Variants in CD2AP observed in about 807,000 individuals in gnomAD.
The protein encoded by CD2AP is CD2 associated protein.
Under a neutral mutation model 85.1 loss-of-function variants are expected in CD2AP, and 46 were observed. That is an observed-to-expected ratio of 0.54 (90% CI 0.43 to 0.69). The LOEUF (loss-of-function observed/expected upper bound fraction) is 0.69. CD2AP is among the 30% of genes least tolerant of loss of function. The probability of loss-of-function intolerance (pLI) is 0.00; values close to 1 mark genes in which losing one functional copy is unlikely to be tolerated. For synonymous variants in CD2AP, 255 were observed against 252.9 expected (o/e 1.01, Z -0.08); for missense variants, 769 against 729.5 (o/e 1.05, Z -0.62).
chr6:47,614,681 A>G lies in CD2AP; in HGVS notation c.1878+2145A>G, dbSNP rs74565686. Among the ~76,000 whole-genome samples the G allele has an allele frequency of 7.9e-3, 1,204 of 152,366 alleles. 14 individuals are homozygous for G. Among genetic ancestry groups the G allele is most frequent in the African/African-American group, 0.027 (1,124 of 41,592 alleles). On this transcript the variant is annotated intron_variant, in intron 17 of 17. Transcript: ENST00000359314. ...ATATTGTTGGAAAAATGGCATCAAT[A>G]GAGTTGCTCAGCACAGGATTACCAC...
In CD2AP at chr6:47,574,075, G is replaced by A. The variant is rs142643033; in HGVS notation, c.553G>A (p.Ala185Thr). ...AATTATTGTTTCAGAAACTGTTTTGGCTGGGCCTACTTCACCTATACCTTC... is the reference window on the plus strand; with the variant it reads ...AATTATTGTTTCAGAAACTGTTTTGACTGGGCCTACTTCACCTATACCTTC... Reference protein sequence around the residue: ...EAQDDSETVLAGPTSPIPSLG... With the variant: ...EAQDDSETVLTGPTSPIPSLG... Residue 185 changes from alanine (A) to threonine (T), a missense_variant, in exon 6 of 18, where the codon GCT (alanine) becomes ACT (threonine). Transcript: ENST00000359314. 1.9e-6 allele frequency: 3 copies of A among 1,613,886 alleles called. No individual in the cohort carries two copies. The highest frequency in any genetic ancestry group is 3.3e-5 in the Admixed American group (2 of 60,014).
At position 47,612,504 on chromosome 6, in the gene CD2AP, G is replaced by A; in HGVS notation, c.1846G>A (p.Glu616Lys). The change falls in exon 17 of 18, where the codon GAA (glutamate) becomes AAA (lysine). Residue 616 changes from glutamate (E) to lysine (K), a missense_variant. Glu to Lys is a moderately conservative substitution (Grantham distance 56). Transcript: ENST00000359314. ...ACTGGAAAAACTGCGAAAAGATTTG[G>A]AAGAAGAGAAGACAATGAGAAGTAA... ...KELEKLRKDL[E>K]EEKTMRSNLE... 1 of 1,607,696 alleles carries A rather than the reference G, an allele frequency of 6.2e-7. No homozygotes were observed. Among genetic ancestry groups the A allele is most frequent in the South Asian group, 1.1e-5 (1 of 90,912 alleles).
intron 3 of CD2AP, among the ~76,000 whole-genome samples, chr6:47,537,246 A>G (rs1767076236): frequency 1.3e-5 from 2 of 152,202 alleles, no homozygotes; most frequent in South Asian, 4.1e-4. Flanking sequence ...AGAAAATAGT[A>G]ACATTCTGAA....
intron 2 of CD2AP, among the ~76,000 whole-genome samples, chr6:47,505,601 G>T (rs1766125736): frequency 7.9e-6 from 1 of 126,982 alleles, no homozygotes; most frequent in African/African-American, 2.9e-5. Flanking sequence ...CCCGGACGGG[G>T]CGGCTGGCCG....
chr6:47,517,423 G>A (rs924202191), intron 2 of CD2AP, among the ~76,000 whole-genome samples: 1 of 151,918 alleles, frequency 6.6e-6, no homozygotes, highest in African/African-American at 2.4e-5. Flanking sequence ...AAATAGCTGC[G>A]ACTACAGGTG....
chr6:47,578,657 C>CT (rs543172205), intron 8 of CD2AP, among the ~76,000 whole-genome samples: 1,876 of 143,554 alleles, frequency 0.013, 17 homozygotes, highest in South Asian at 0.021. Context: ...TTCATTATAT[C>CT]TTTTTTTTTT....
At chr6:47,585,867 A>G (rs2114114296) in intron 11 of CD2AP, among the ~76,000 whole-genome samples, 1 of 152,360 alleles carries the variant, frequency 6.6e-6, no homozygotes. Context: ...GATAGAGTTC[A>G]TAAAACAGTG....
intron 2 of CD2AP, among the ~76,000 whole-genome samples, chr6:47,517,373 G>A (rs1402638884): frequency 6.6e-6 from 1 of 151,384 alleles, no homozygotes; most frequent in Non-Finnish European, 1.5e-5. Context: ...CTGCAGCCTC[G>A]ACTTTCTGGG....
intron 12 of CD2AP, among the ~76,000 whole-genome samples, chr6:47,596,852 G>T (rs1189019266): frequency 6.6e-6 from 1 of 151,912 alleles, no homozygotes; most frequent in Non-Finnish European, 1.5e-5. Flanking sequence ...TTCCATAATG[G>T]CTGTGGGAAT....
At chr6:47,518,005 C>T (rs1457333640) in intron 2 of CD2AP, among the ~76,000 whole-genome samples, 2 of 151,884 alleles carry the variant, frequency 1.3e-5, no homozygotes, top group East Asian at 3.9e-4. Context: ...CAGTTTATCC[C>T]CCTAGGTAGA....
chr6:47,602,992 A>T (rs893172634), intron 13 of CD2AP, among the ~76,000 whole-genome samples: 1 of 152,098 alleles, frequency 6.6e-6, no homozygotes, highest in Admixed American at 6.6e-5. Flanking sequence ...TTTTTCTTCA[A>T]GTTTATTTGA....
chr6:47,603,483 A>G (rs1275569264), intron 13 of CD2AP, among the ~76,000 whole-genome samples: 1 of 152,064 alleles, frequency 6.6e-6, no homozygotes, highest in Non-Finnish European at 1.5e-5. Flanking sequence ...CCTTTTGGAA[A>G]CTGTCTTGGT....
At chr6:47,578,361 G>T (rs1005918258) in intron 8 of CD2AP, among the ~76,000 whole-genome samples, 2 of 151,690 alleles carry the variant, frequency 1.3e-5, no homozygotes, top group African/African-American at 4.8e-5. Flanking sequence ...ATCCCATTGC[G>T]CCTGATTAAT....
intron 5 of CD2AP, among the ~76,000 whole-genome samples, chr6:47,558,783 C>CT (rs543870113): frequency 2.0e-5 from 3 of 151,836 alleles, no homozygotes; most frequent in East Asian, 1.9e-4. Flanking sequence ...CTGAAATTTT[C>CT]TTTTTTTTGT....
rs1221472165 is a variant in CD2AP at position 47,626,086 on chromosome 6, C to A, written c.*1859C>A. On this transcript the variant is annotated 3_prime_UTR_variant, in exon 18 of 18. Coordinates refer to ENST00000359314, the MANE Select transcript of CD2AP (RefSeq NM_012120.3). ...TCACCTGAAAATCTATTGAAGTGAT[C>A]CCTGGTCATCCTAATAATGGGATGA... The A allele has an allele frequency of 6.6e-6, 1 of 151,854 alleles. No homozygotes were observed. The highest frequency in any genetic ancestry group is 1.5e-5 in the Non-Finnish European group (1 of 67,806). The allele number at this position is 151,854 out of a possible 1,614,324, so 9.4% of individuals were successfully genotyped here.
intron 13 of CD2AP, among the ~76,000 whole-genome samples, chr6:47,605,916 A>G (rs1413550409): frequency 6.6e-6 from 1 of 151,962 alleles, no homozygotes; most frequent in Admixed American, 6.6e-5. Context: ...TCTCTATTGG[A>G]AACAACCTTT....
At position 47,567,591 on chromosome 6, in the gene CD2AP, G is replaced by A. The variant is rs562535085; in HGVS notation, c.542-6473G>A. On this transcript the variant is annotated intron_variant, in intron 5 of 17. Coordinates refer to ENST00000359314, the MANE Select transcript of CD2AP (RefSeq NM_012120.3). ...AAGGGTGCAATAAATGTATATAAGT[G>A]GGCTAATCCAGACTTGGCAAGCTGT... Among the ~76,000 whole-genome samples, 181 of 152,232 alleles carry A rather than the reference G, an allele frequency of 1.2e-3. 2 individuals are homozygous for A. Among genetic ancestry groups the A allele is most frequent in the African/African-American group, 4.2e-3 (173 of 41,536 alleles).
chr6:47,478,128 G>C lies in CD2AP; in HGVS notation c.-117G>C. 1 of 1,343,972 alleles carries C rather than the reference G, an allele frequency of 7.4e-7. No homozygotes were observed. Among genetic ancestry groups the C allele is most frequent in the Non-Finnish European group, 1.0e-6 (1 of 961,022 alleles). The allele number at this position is 1,343,972 out of a possible 1,614,324, so 83.3% of individuals were successfully genotyped here. Reference sequence around the variant, plus strand: ...GACTCTTCGCCCCGCCTGAGCTCAGGAGGGGCTAGCGCGGAGCGCGGGTCC... The same window carrying C: ...GACTCTTCGCCCCGCCTGAGCTCAGCAGGGGCTAGCGCGGAGCGCGGGTCC... On this transcript the variant is annotated 5_prime_UTR_variant, in exon 1 of 18. Transcript: ENST00000359314.
chr6:47,599,743 C>T (rs761537974), intron 13 of CD2AP, among the ~76,000 whole-genome samples: 1 of 151,964 alleles, frequency 6.6e-6, no homozygotes, highest in Non-Finnish European at 1.5e-5. Context: ...TACTACCCAA[C>T]GGAGATATGA....
Sources: gnomAD v4.1 joint callset for allele counts (sites outside exome capture counted in the v4.1 genomes callset) on GRCh38, gnomAD v4.1.1 for gene constraint, MANE v1.5 for transcripts, NCBI Gene and HGNC (gene_info 2026-07-23, HGNC 2026-07-21) for gene names.